Variants in SGCE observed in about 807,000 individuals in gnomAD.
The protein encoded by SGCE is sarcoglycan epsilon, also known as epsilon-sarcoglycan.
In SGCE, 26 loss-of-function variants were observed where a neutral mutation model predicts 57.8. The observed-to-expected ratio is 0.45, with a 90% CI of 0.33 to 0.62. The LOEUF (loss-of-function observed/expected upper bound fraction) is 0.62, where lower values mean the gene tolerates loss of function less well. Among genes scored for constraint, SGCE ranks in the 20% least tolerant of loss-of-function variants. SGCE has a pLI of 0.02. For synonymous variants in SGCE, 183 were observed against 189.5 expected, an observed-to-expected ratio of 0.97 and a Z score of 0.28; for missense variants, 468 against 548.6, an observed-to-expected ratio of 0.85 and a Z score of 1.47.
rs752597509 is a variant in SGCE, at chr7:94,598,982, AAAC to A, written c.1065-22_1065-20del. On this transcript the variant is annotated intron_variant, in intron 8 of 10. Transcript: ENST00000648936. ...TTGGATGCTAGGTCAAAAAGAAATA[AAAC>A]AACATATATTTAAAATCATATATTA... The A allele has an allele frequency of 6.9e-6, 11 of 1,594,588 alleles. No homozygotes were observed. The highest frequency in any genetic ancestry group is 9.5e-6 in the Non-Finnish European group (11 of 1,163,114).
intron 5 of SGCE, chr7:94,618,325 A>T (rs1205112147): frequency 6.1e-6 from 1 of 164,874 alleles, no homozygotes; most frequent in African/African-American, 2.4e-5. Context: ...TGGGTTTCAA[A>T]TCCACCCCAG....
chr7:94,635,585 T>G (rs1433055927), intron 1 of SGCE, among the ~76,000 whole-genome samples: 1 of 152,240 alleles, frequency 6.6e-6, no homozygotes, highest in Non-Finnish European at 1.5e-5. Flanking sequence ...TTGCTGTCTC[T>G]GCATCAAAAG....
intron 3 of SGCE, chr7:94,627,579 T>C (rs1803929779): frequency 6.6e-6 from 1 of 152,400 alleles, no homozygotes; most frequent in Non-Finnish European, 1.5e-5. Context: ...TTCTTATACC[T>C]CTAAGATTTT....
At chr7:94,585,610 C>T (rs1450977168) in intron 10 of SGCE, 95 bp from the exon 11 acceptor site, 7 of 827,188 alleles carry the variant, frequency 8.5e-6, no homozygotes, top group Non-Finnish European at 1.5e-5. Context: ...GAGAAAGTTT[C>T]CATCTTCTTA....
At chr7:94,626,904 T>C (rs1224159711) in intron 3 of SGCE, 1 of 152,014 alleles carries the variant, frequency 6.6e-6, no homozygotes, top group Non-Finnish European at 1.5e-5. Flanking sequence ...CAAGAATAGG[T>C]AGTAAATTTT....
At chr7:94,650,263 G>A (rs1465855890) in intron 1 of SGCE, among the ~76,000 whole-genome samples, 1 of 152,200 alleles carries the variant, frequency 6.6e-6, no homozygotes, top group Non-Finnish European at 1.5e-5. Flanking sequence ...GGTTGCAGAA[G>A]GGACCCTATT....
At chr7:94,625,812 G>A (rs1350801511) in intron 3 of SGCE, 1 of 151,898 alleles carries the variant, frequency 6.6e-6, no homozygotes, top group Non-Finnish European at 1.5e-5. Context: ...CTATTGTTTT[G>A]TGGCTTTCCA....
At chr7:94,633,738 C>A (rs2117004043) in intron 1 of SGCE, among the ~76,000 whole-genome samples, 1 of 152,256 alleles carries the variant, frequency 6.6e-6, no homozygotes, top group South Asian at 2.1e-4. Flanking sequence ...GTGCTTATTA[C>A]AATTACCTTC....
At chr7:94,619,001 C>G in intron 4 of SGCE, 45 bp from the exon 5 acceptor site, 1 of 1,332,372 alleles carries the variant, frequency 7.5e-7, no homozygotes, top group Non-Finnish European at 1.1e-6. Context: ...ATGAAGTAGT[C>G]TTTTAAAAAG....
intron 5 of SGCE, among the ~76,000 whole-genome samples, chr7:94,612,869 A>G (rs771931920): frequency 7.3e-5 from 11 of 151,444 alleles, no homozygotes; most frequent in Non-Finnish European, 1.3e-4. Context: ...CATCTCTTTG[A>G]CTCCTCTCCT....
At chr7:94,597,065 T>G (rs1224386723) in intron 9 of SGCE, among the ~76,000 whole-genome samples, 1 of 152,152 alleles carries the variant, frequency 6.6e-6, no homozygotes, top group Non-Finnish European at 1.5e-5. Context: ...TAAACTGGGT[T>G]TTATGATGAC....
chr7:94,651,167 C>T (rs900670606), intron 1 of SGCE, among the ~76,000 whole-genome samples: 1 of 152,214 alleles, frequency 6.6e-6, no homozygotes, highest in Non-Finnish European at 1.5e-5. Flanking sequence ...ACAAAGTCAT[C>T]TCCATACTTC....
At position 94,598,814 on chromosome 7, in the gene SGCE, TTGTC is replaced by T. The variant is rs886039595; in HGVS notation, c.1210_1213del (p.Asp404ThrfsTer9). The stretch of plus-strand genomic sequence containing the variant: ...CAATGGCATGTTTGTGCTATCATAG[TTGTC>T]TGTGTGTAAAGGAGGTATGATTTCC... On this transcript the variant is annotated frameshift_variant, in exon 9 of 11. Coordinates refer to ENST00000648936, the MANE Select transcript of SGCE (RefSeq NM_003919.3). LOFTEE classifies it high-confidence loss of function. 5.6e-6 allele frequency: 9 copies of T among 1,613,430 alleles called. No individual in the cohort carries two copies. The highest frequency in any genetic ancestry group is 6.8e-6 in the Non-Finnish European group (8 of 1,179,506).
chr7:94,592,342 T>C (rs1044630713), intron 9 of SGCE, among the ~76,000 whole-genome samples: 3 of 152,160 alleles, frequency 2.0e-5, no homozygotes, highest in African/African-American at 4.8e-5. Flanking sequence ...TTCTCATCTT[T>C]GGTGAGAGCA....
At position 94,600,777 on chromosome 7, in the gene SGCE, T is replaced by G; in HGVS notation, c.906A>C (p.Lys302Asn). Residue 302 changes from lysine to asparagine, a missense_variant, in exon 7 of 11, where the codon AAA becomes AAC. Transcript: ENST00000648936. ...EGILPDGGEYKPPSDSLKSRD... is the reference protein window; with the variant it reads ...EGILPDGGEYNPPSDSLKSRD... ...TGCTTTTCAAAGAATCAGAAGGGGG[T>G]TTGTATTCTCCACCATCAGGTAAAA... 6.2e-7 allele frequency: 1 copy of G among 1,613,500 alleles called. No homozygotes were observed. Among genetic ancestry groups the G allele is most frequent in the Admixed American group, 1.7e-5 (1 of 59,932 alleles).
intron 1 of SGCE, among the ~76,000 whole-genome samples, chr7:94,650,389 A>T (rs1474119079): frequency 1.3e-5 from 2 of 152,158 alleles, no homozygotes; most frequent in African/African-American, 2.4e-5. Context: ...AGAGCAAGAA[A>T]TTCCAGGAAA....
intron 4 of SGCE, chr7:94,622,754 T>C (rs1359965721): frequency 2.6e-5 from 4 of 152,204 alleles, no homozygotes; most frequent in South Asian, 4.2e-4. Flanking sequence ...TCTTAGGAAA[T>C]CACTTACAAT....
At chr7:94,588,355 T>C in intron 10 of SGCE, 1 of 1,126,210 alleles carries the variant, frequency 8.9e-7, no homozygotes, top group Non-Finnish European at 1.1e-6. Flanking sequence ...CTGAGACAAA[T>C]CCTGGATGCA....
chr7:94,632,104 A>G (rs186667494), intron 1 of SGCE, among the ~76,000 whole-genome samples: 112 of 152,200 alleles, frequency 7.4e-4, no homozygotes, highest in Admixed American at 6.6e-3. Context: ...GAGGGATAGC[A>G]TTCTGTAGAT....
Sources: gnomAD v4.1 joint callset for allele counts (sites outside exome capture counted in the v4.1 genomes callset) on GRCh38, gnomAD v4.1.1 for gene constraint, MANE v1.5 for transcripts, NCBI Gene and HGNC (gene_info 2026-07-23, HGNC 2026-07-21) for gene names.